ADAP1: variants seen among roughly 807,000 people sequenced by gnomAD.
ADAP1 encodes ArfGAP with dual PH domains 1, also known as arf-GAP with dual PH domain-containing protein 1.
A neutral mutation model predicts 54.9 loss-of-function variants in ADAP1; 31 were observed. The observed-to-expected ratio is 0.56, with a 90% CI of 0.42 to 0.76. The LOEUF is 0.76. Among genes scored for constraint, ADAP1 ranks in the 30% least tolerant of loss-of-function variants. ADAP1 has a pLI of 0.00. For missense variants in ADAP1, 535 were observed against 512.4 expected, an observed-to-expected ratio of 1.04 and a Z score of -0.42; for synonymous variants, 313 against 202.6, an observed-to-expected ratio of 1.55 and a Z score of -4.63.
intron 4 of ADAP1, among the ~76,000 whole-genome samples, chr7:916,813 C>T (rs1297857278): frequency 1.3e-5 from 2 of 152,144 alleles, no homozygotes; most frequent in Non-Finnish European, 2.9e-5. Context: ...CTGCATGAGA[C>T]CCCAGCCTGA....
At chr7:921,698 G>C (rs1392779536) in intron 3 of ADAP1, among the ~76,000 whole-genome samples, 1 of 152,196 alleles carries the variant, frequency 6.6e-6, no homozygotes, top group Non-Finnish European at 1.5e-5. Flanking sequence ...GCAGCTGCCT[G>C]AGCCGCTCCG....
chr7:934,375 T>G, intron 2 of ADAP1, among the ~76,000 whole-genome samples: 1 of 121,970 alleles, frequency 8.2e-6, no homozygotes, highest in African/African-American at 3.0e-5. Flanking sequence ...GGTGCCAGAG[T>G]CAGTGGTGTT....
chr7:920,836 A>ACGGCCCAGGTGCACAGGCAGC lies in ADAP1; in HGVS notation c.306-807_306-787dup, dbSNP rs1562926440. 2 of 1,550,196 alleles carry ACGGCCCAGGTGCACAGGCAGC rather than the reference A, an allele frequency of 1.3e-6. No homozygotes were observed. The highest frequency in any genetic ancestry group is 1.7e-6 in the Non-Finnish European group (2 of 1,146,898). ...ACCACGACCCACACACAGGCCCGGC[A>ACGGCCCAGGTGCACAGGCAGC]CGGCCCAGGTGCACAGGCAGCCGCC... On this transcript the variant is annotated intron_variant, in intron 3 of 10. Transcript: ENST00000265846. The surrounding 1 kb of genome is among the most constrained non-coding windows in gnomAD (Gnocchi z 4.5).
Position 954,622 on chromosome 7 carries a change from C to A in ADAP1, c.-145G>T. On this transcript the variant is annotated 5_prime_UTR_variant, in exon 1 of 11. Transcript: ENST00000265846. The stretch of plus-strand genomic sequence containing the variant: ...AGCCCGCGCGCCGGTTCCGCATTCC[C>A]GCCGCCCTCTGGGCTCCGCCGCCGC... 1.0e-6 allele frequency: 1 copy of A among 982,476 alleles called. No homozygotes were observed. Among genetic ancestry groups the A allele is most frequent in the South Asian group, 4.6e-5 (1 of 21,972 alleles). 60.9% of individuals were successfully genotyped at this position (982,476 alleles called of 1,614,324 possible). A position where few individuals can be genotyped will look rare whatever the true frequency, so the allele number is the denominator to read the frequency against.
intron 2 of ADAP1, among the ~76,000 whole-genome samples, chr7:931,337 T>C (rs1281118541): frequency 6.6e-6 from 1 of 152,168 alleles, no homozygotes; most frequent in African/African-American, 2.4e-5. Flanking sequence ...CACGTGTCCA[T>C]CAGAGGGTGA....
intron 2 of ADAP1, among the ~76,000 whole-genome samples, chr7:933,372 G>A (rs1204606119): frequency 1.3e-5 from 2 of 152,198 alleles, no homozygotes; most frequent in African/African-American, 4.8e-5. Context: ...GAGGCACTGG[G>A]ATCCCAGCTG....
At chr7:905,010 G>C in intron 5 of ADAP1, 50 bp downstream of exon 5, 1 of 1,545,512 alleles carries the variant, frequency 6.5e-7, no homozygotes, top group South Asian at 1.1e-5. Context: ...GTGGGAGGCC[G>C]GGATGCCGCC....
Position 920,609 on chromosome 7 carries a change from C to T in ADAP1, c.306-559G>A, listed in dbSNP as rs555145324. Among the ~76,000 whole-genome samples, 199 of 152,214 alleles carry T rather than the reference C, an allele frequency of 1.3e-3. No individual in the cohort carries two copies. Among genetic ancestry groups the T allele is most frequent in the Non-Finnish European group, 2.1e-3 (143 of 68,002 alleles). ...CAGGGCACCCGTCGAGGTCAGGAGG[C>T]GTCCGGGGCATCAGGAGAAACTACC... On this transcript the variant is annotated intron_variant, in intron 3 of 10. Coordinates refer to ENST00000265846, the MANE Select transcript of ADAP1 (RefSeq NM_006869.4). This position sits in a 1 kb window ranked among gnomAD's most constrained non-coding sequence, Gnocchi z 4.5.
At chr7:905,890 A>AGAAGG (rs1845249120) in intron 4 of ADAP1, among the ~76,000 whole-genome samples, 2 of 2,190 alleles carry the variant, frequency 9.1e-4, no homozygotes, top group African/African-American at 1.6e-3. Context: ...AGGAGAAAGG[A>AGAAGG]GAAAGGAGAA....
intron 5 of ADAP1, 127 bp downstream of exon 5, chr7:904,933 G>A: frequency 1.3e-6 from 1 of 791,590 alleles, no homozygotes; most frequent in South Asian, 1.6e-5. Context: ...TTCTCCTGGA[G>A]CGTCCCCATC....
At chr7:951,304 G>A (rs372224968) in intron 1 of ADAP1, among the ~76,000 whole-genome samples, 8 of 151,272 alleles carry the variant, frequency 5.3e-5, no homozygotes, top group African/African-American at 1.9e-4. Context: ...ACCTGGGAGG[G>A]GGAGCTTGCA....
Position 926,758 on chromosome 7 carries a change from G to T in ADAP1, c.214-114C>A. The T allele has an allele frequency of 1.2e-6, 1 of 856,858 alleles. No individual in the cohort carries two copies. Among genetic ancestry groups the T allele is most frequent in the Non-Finnish European group, 1.7e-6 (1 of 579,508 alleles). The allele number at this position is 856,858 out of a possible 1,614,324, so 53.1% of individuals were successfully genotyped here. A position where few individuals can be genotyped will look rare whatever the true frequency, so the allele number is the denominator to read the frequency against. On this transcript the variant is annotated intron_variant, in intron 2 of 10. Transcript: ENST00000265846. The surrounding 1 kb of genome is among the most constrained non-coding windows in gnomAD (Gnocchi z 4.6). ...GACCCGCAGACCCAAGGCTCTGAGG[G>T]CTCCACCAGCACCAGGACGGGAACG...
intron 1 of ADAP1, among the ~76,000 whole-genome samples, chr7:952,003 G>C (rs1847283731): frequency 6.6e-6 from 1 of 152,286 alleles, no homozygotes; most frequent in Admixed American, 6.5e-5. Context: ...CAGCTCCAAG[G>C]ATGTACGGAG....
chr7:905,327 T>C (rs1182564581), intron 4 of ADAP1, 155 bp from the exon 5 acceptor site: 106 of 372,954 alleles, frequency 2.8e-4, no homozygotes, highest in South Asian at 7.9e-4. Flanking sequence ...AGAGGGGACA[T>C]GGAGGAGACA....
chr7:913,426 C>A (rs1410048248), intron 4 of ADAP1, among the ~76,000 whole-genome samples: 1 of 151,948 alleles, frequency 6.6e-6, no homozygotes, highest in Non-Finnish European at 1.5e-5. Context: ...TGGTCTTGAT[C>A]TCCTGACCTC....
chr7:900,694 ACAGAGGGGCCGCTTCCCC>A (rs1344325790), intron 6 of ADAP1, 78 bp from the exon 7 acceptor site: 17 of 1,313,672 alleles, frequency 1.3e-5, no homozygotes, highest in East Asian at 2.5e-5. Flanking sequence ...TGGGGTCCCC[ACAGAGGGGCCGCTTCCCC>A]CAGAGCCCAG....
chr7:916,743 G>A (rs564125126), intron 4 of ADAP1, among the ~76,000 whole-genome samples: 60 of 152,302 alleles, frequency 3.9e-4, no homozygotes, highest in Admixed American at 1.2e-3. Flanking sequence ...CTGGCTGTGT[G>A]CCAAGTGGGG....
Position 899,092 on chromosome 7 carries a change from T to C in ADAP1, c.1037A>G (p.Glu346Gly). ...CGCCTTCTGGAAGGCCGCCACCCAC[T>C]CCCTCTGGTCGGACTCCGTCTCGCA... The part of the protein sequence containing the change: ...FACETESDQR[E>G]WVAAFQKAVD... Residue 346 changes from glutamate (E) to glycine (G), a missense_variant, in exon 10 of 11, where the codon GAG becomes GGG. Glu to Gly is a moderately conservative substitution (Grantham distance 98). Coordinates refer to ENST00000265846, the MANE Select transcript of ADAP1 (RefSeq NM_006869.4). 3 of 1,608,032 alleles carry C rather than the reference T, an allele frequency of 1.9e-6. No individual in the cohort carries two copies. The highest frequency in any genetic ancestry group is 1.7e-6 in the Non-Finnish European group (2 of 1,179,878).
rs114764010 is a variant in ADAP1 at position 904,423 on chromosome 7, G to A, written c.502-151C>T. 938 of 964,550 alleles carry A rather than the reference G, an allele frequency of 9.7e-4. 3 individuals carry two copies. The highest frequency in any genetic ancestry group is 3.0e-3 in the Middle Eastern group (9 of 3,008). 59.7% of individuals were successfully genotyped at this position (964,550 alleles called of 1,614,324 possible). ...TAAGCGCTCTGAGCCTTGGCCTCCC[G>A]GTCTGTAAGCAGAAGGTAACAGCAC... On this transcript the variant is annotated intron_variant, in intron 5 of 10. Coordinates refer to ENST00000265846, the MANE Select transcript of ADAP1 (RefSeq NM_006869.4).
Sources: gnomAD v4.1 joint callset for allele counts (sites outside exome capture counted in the v4.1 genomes callset) on GRCh38, gnomAD v4.1.1 for gene constraint, Gnocchi (gnomAD v3.1) non-coding constraint, MANE v1.5 for transcripts, NCBI Gene and HGNC (gene_info 2026-07-23, HGNC 2026-07-21) for gene names.